Variants in CTNND1 observed in about 807,000 individuals in gnomAD.
CTNND1 encodes the protein catenin delta-1.
A neutral mutation model predicts 112.1 loss-of-function variants in CTNND1; 16 were observed. The ratio of observed to expected loss-of-function variants is 0.14; its 90% CI spans 0.10 to 0.22. The LOEUF is 0.22. Ranked by LOEUF, CTNND1 falls within the 10% of genes least tolerant of loss-of-function variation. The pLI, the probability that CTNND1 is intolerant of heterozygous loss-of-function variation, is 1.00. For synonymous variants in CTNND1, 420 were observed against 446.5 expected, an observed-to-expected ratio of 0.94 and a Z score of 0.75; for missense variants, 1,008 against 1,257.0, an observed-to-expected ratio of 0.80 and a Z score of 3.00.
rs2061411458 is a variant in CTNND1 at position 57,797,000 on chromosome 11, A to G, written c.956+8A>G. 6.9e-7 allele frequency: 1 copy of G among 1,453,312 alleles called. No homozygotes were observed. 90.0% of individuals were successfully genotyped at this position (1,453,312 alleles called of 1,614,324 possible). ...CCCTCGTCGGCGCCTCAGGTAGGCA[A>G]GAATAGGGGAAGAGAAAAGGGTCTT... On this transcript the variant is annotated splice_region_variant and intron_variant, in intron 6 of 20. Coordinates refer to ENST00000399050, the MANE Select transcript of CTNND1 (RefSeq NM_001085458.2).
In CTNND1 at chr11:57,789,074, G is replaced by C; in HGVS notation, c.-176G>C. 1 of 1,535,514 alleles carries C rather than the reference G, an allele frequency of 6.5e-7. No individual in the cohort carries two copies. Among genetic ancestry groups the C allele is most frequent in the East Asian group, 2.4e-5 (1 of 40,904 alleles). ...TGCTTCCTCCTTGCTGTGGTGGCTG[G>C]GATGCTTCTTCCATGATTTTTTGAA... On this transcript the variant is annotated 5_prime_UTR_variant, in exon 2 of 21. Coordinates refer to ENST00000399050, the MANE Select transcript of CTNND1 (RefSeq NM_001085458.2).
At chr11:57,764,465 C>T (rs1482232776) in intron 1 of CTNND1, among the ~76,000 whole-genome samples, 2 of 152,174 alleles carry the variant, frequency 1.3e-5, no homozygotes, top group Non-Finnish European at 2.9e-5. Flanking sequence ...ATAAATTAAG[C>T]ATAGATCACT....
At chr11:57,790,907 T>A (rs574986033) in intron 2 of CTNND1, among the ~76,000 whole-genome samples, 3 of 152,110 alleles carry the variant, frequency 2.0e-5, no homozygotes, top group Non-Finnish European at 4.4e-5. Flanking sequence ...TTTTTTTTTT[T>A]AATTTGCTGC....
At chr11:57,778,897 T>C (rs1489024858) in intron 1 of CTNND1, among the ~76,000 whole-genome samples, 1 of 152,170 alleles carries the variant, frequency 6.6e-6, no homozygotes, top group Non-Finnish European at 1.5e-5. Context: ...GTGTGTCTAA[T>C]GGGTCTCGGA....
At position 57,804,658 on chromosome 11, in the gene CTNND1, C is replaced by T; in HGVS notation, c.1605-5C>T. 6.2e-7 allele frequency: 1 copy of T among 1,612,186 alleles called. No homozygotes were observed. The highest frequency in any genetic ancestry group is 8.5e-7 in the Non-Finnish European group (1 of 1,178,470). ...GTCATCTTGAAGCTTCTGGTTTCCC[C>T]TCAGGAATGTAAGCTCAGAGAGGAG... On this transcript the variant is annotated splice_polypyrimidine_tract_variant and splice_region_variant and intron_variant, in intron 8 of 20. Transcript: ENST00000399050.
intron 7 of CTNND1, among the ~76,000 whole-genome samples, chr11:57,803,030 C>G (rs1468387502): frequency 6.6e-6 from 1 of 152,196 alleles, no homozygotes; most frequent in African/African-American, 2.4e-5. Context: ...AAAGAATCAT[C>G]TGGCCGAAAA....
At chr11:57,808,019 TAG>T in intron 12 of CTNND1, 144 bp from the exon 13 acceptor site, 1 of 772,352 alleles carries the variant, frequency 1.3e-6, no homozygotes, top group Non-Finnish European at 1.9e-6. Context: ...AAGTTTGCTG[TAG>T]AGAGTGTGAG....
intron 16 of CTNND1, 50 bp from the exon 17 acceptor site, chr11:57,811,349 A>G (rs1175930364): frequency 1.4e-6 from 2 of 1,452,592 alleles, no homozygotes; most frequent in African/African-American, 1.4e-5. Flanking sequence ...AGCATAAGAT[A>G]GGGTGAATTC....
At position 57,796,734 on chromosome 11, in the gene CTNND1, G is replaced by A. The variant is rs570060177; in HGVS notation, c.698G>A (p.Arg233Gln). ...GGSDNYGSLSRVTRIEERYRP... is the reference protein window; with the variant it reads ...GGSDNYGSLSQVTRIEERYRP... The stretch of plus-strand genomic sequence containing the variant: ...AGTGATAACTATGGCAGTCTGTCCC[G>A]GGTGACCCGCATTGAGGAGCGGTAT... The change falls in exon 6 of 21, where the codon CGG becomes CAG. Residue 233 changes from arginine to glutamine, a missense_variant. Around this residue, in one of 5 missense-constraint regions of CTNND1, gnomAD observed 404 missense variants for 457.9 expected, o/e 0.88. Coordinates refer to ENST00000399050, the MANE Select transcript of CTNND1 (RefSeq NM_001085458.2). 16 of 1,613,882 alleles carry A rather than the reference G, an allele frequency of 9.9e-6. No individual in the cohort carries two copies. The highest frequency in any genetic ancestry group is 4.5e-5 in the East Asian group (2 of 44,880).
chr11:57,802,714 G>C (rs886141813), intron 7 of CTNND1, among the ~76,000 whole-genome samples: 4 of 152,184 alleles, frequency 2.6e-5, no homozygotes, highest in African/African-American at 9.7e-5. Context: ...ATTTAGAGCA[G>C]TAGTTTTTCA....
intron 11 of CTNND1, 169 bp downstream of exon 11, chr11:57,806,647 G>T: frequency 1.5e-6 from 1 of 668,334 alleles, no homozygotes. Context: ...CTCACGGCAT[G>T]CTGTTTCTGG....
intron 1 of CTNND1, among the ~76,000 whole-genome samples, chr11:57,775,564 T>C (rs899727406): frequency 1.3e-5 from 2 of 152,202 alleles, no homozygotes; most frequent in African/African-American, 2.4e-5. Flanking sequence ...AACTTTAGAC[T>C]GTATCTGTGG....
At chr11:57,806,746 G>T in intron 11 of CTNND1, 169 bp from the exon 12 acceptor site, 1 of 645,456 alleles carries the variant, frequency 1.5e-6, no homozygotes, top group South Asian at 2.0e-5. Flanking sequence ...TTCTATCCTT[G>T]TTTCTGAATA....
chr11:57,797,351 C>T (rs1157517530), intron 6 of CTNND1, among the ~76,000 whole-genome samples: 1 of 148,648 alleles, frequency 6.7e-6, no homozygotes, highest in African/African-American at 2.4e-5. Flanking sequence ...ATGCCTCAGC[C>T]TCCCTAGTAG....
chr11:57,813,389 G>A (rs2063596580), intron 17 of CTNND1, among the ~76,000 whole-genome samples: 1 of 152,190 alleles, frequency 6.6e-6, no homozygotes, highest in Non-Finnish European at 1.5e-5. Flanking sequence ...GTTAACGAAT[G>A]TGATTTCAAA....
intron 4 of CTNND1, among the ~76,000 whole-genome samples, chr11:57,795,000 A>T (rs1262443786): frequency 2.6e-5 from 4 of 151,392 alleles, no homozygotes; most frequent in African/African-American, 4.9e-5. Flanking sequence ...GGAGTTCAAG[A>T]CCAGCCTGGG....
At chr11:57,799,775 A>G (rs2061773473) in intron 6 of CTNND1, among the ~76,000 whole-genome samples, 1 of 152,184 alleles carries the variant, frequency 6.6e-6, no homozygotes, top group Non-Finnish European at 1.5e-5. Flanking sequence ...GAGGTTAAAC[A>G]TGTTCAATAC....
At chr11:57,765,106 C>T (rs1207160591) in intron 1 of CTNND1, among the ~76,000 whole-genome samples, 1 of 152,132 alleles carries the variant, frequency 6.6e-6, no homozygotes, top group Admixed American at 6.6e-5. Flanking sequence ...ATTTCTTCTT[C>T]CAGAGAATTT....
intron 3 of CTNND1, 131 bp downstream of exon 3, chr11:57,791,804 TC>T: frequency 1.0e-6 from 1 of 999,300 alleles, no homozygotes; most frequent in Non-Finnish European, 1.4e-6. Flanking sequence ...GGGATTTTTT[TC>T]CAGGGGTGTT....
Sources: allele counts gnomAD v4.1 joint callset (sites outside exome capture counted in the v4.1 genomes callset), GRCh38; gene constraint gnomAD v4.1.1; regional missense constraint gnomAD v4.1.1; transcripts MANE v1.5; gene names NCBI Gene and HGNC (gene_info 2026-07-23, HGNC 2026-07-21).